The following UBN2 variants were observed in gnomAD, a reference collection of about 807,000 sequenced individuals.
UBN2 encodes the protein ubinuclein 2, also known as ubinuclein-2.
A neutral mutation model predicts 120.2 loss-of-function variants in UBN2; 35 were observed. The ratio of observed to expected loss-of-function variants is 0.29; its 90% CI spans 0.22 to 0.39. The LOEUF (loss-of-function observed/expected upper bound fraction) is 0.39, where lower values mean the gene tolerates loss of function less well. UBN2 is among the 10% of genes least tolerant of loss of function. UBN2 has a pLI of 1.00. For missense variants in UBN2, 1,693 were observed against 1,663.2 expected (o/e 1.02, Z -0.31); for synonymous variants, 661 against 648.7 (o/e 1.02, Z -0.29).
rs180854614 is a variant in UBN2 at position 139,307,494 on chromosome 7, A to G, written c.*9658A>G. ...TTTGTATTTTAGTAAAAAAAAAAAAAAATAAATTTAAATAAAAGGGGGTGG... is the reference window on the plus strand; with the variant it reads ...TTTGTATTTTAGTAAAAAAAAAAAAGAATAAATTTAAATAAAAGGGGGTGG... On this transcript the variant is annotated 3_prime_UTR_variant, in exon 18 of 18. Transcript: ENST00000473989. 6.6e-6 allele frequency: 1 copy of G among 151,722 alleles called. No individual in the cohort carries two copies. The highest frequency in any genetic ancestry group is 6.6e-5 in the Admixed American group (1 of 15,214). The allele number at this position is 151,722 out of a possible 1,614,324, so 9.4% of individuals were successfully genotyped here.
chr7:139,293,285 A>T lies in UBN2; in HGVS notation c.3723A>T (p.Thr1241=), dbSNP rs375787960. Residue 1241 remains threonine, a synonymous_variant, in exon 16 of 18, where the codon ACA becomes ACT. Coordinates refer to ENST00000473989, the MANE Select transcript of UBN2 (RefSeq NM_173569.4). ...ATGCCTCACCTCTGACTCTCATGAC[A>T]TCACCTTTGTCTGTAACAAATCAAA... ...LANASPLTLM[T]SPLSVTNQNV... The T allele has an allele frequency of 1.2e-6, 2 of 1,614,210 alleles. No individual in the cohort carries two copies. The highest frequency in any genetic ancestry group is 2.7e-5 in the African/African-American group (2 of 75,056).
intron 1 of UBN2, among the ~76,000 whole-genome samples, chr7:139,232,922 A>G (rs1312318375): frequency 1.3e-5 from 2 of 152,294 alleles, no homozygotes; most frequent in East Asian, 3.9e-4. Context: ...AGTAAGTTAG[A>G]AAAGGAAATG....
chr7:139,273,650 G>T (rs1425220360), intron 10 of UBN2, among the ~76,000 whole-genome samples: 1 of 152,080 alleles, frequency 6.6e-6, no homozygotes, highest in Admixed American at 6.5e-5. Flanking sequence ...AGTCATACTG[G>T]TTTCAGAAGG....
At chr7:139,285,780 T>C (rs1254736759) in intron 15 of UBN2, among the ~76,000 whole-genome samples, 3 of 152,036 alleles carry the variant, frequency 2.0e-5, no homozygotes, top group African/African-American at 7.2e-5. Flanking sequence ...TCTCGCTCTG[T>C]CGTCCACGCT....
chr7:139,291,171 G>A (rs1379363376), intron 15 of UBN2, among the ~76,000 whole-genome samples: 5 of 151,600 alleles, frequency 3.3e-5, no homozygotes, highest in Admixed American at 2.6e-4. Context: ...GACCATCCTG[G>A]CCAACATGGT....
In UBN2 at chr7:139,243,803, A is replaced by G. The variant is rs540845896; in HGVS notation, c.561+6706A>G. 5.9e-5 allele frequency among the ~76,000 whole-genome samples: 9 copies of G among 152,290 alleles called. No homozygotes were observed. The South Asian group carries it at 1.9e-3, about 32-fold the overall frequency. ...CCTTATAGTTGGCAAAAATCTATTT[A>G]TAAGTGGAGCAATGCCTTTGGAACT... On this transcript the variant is annotated intron_variant, in intron 2 of 17. Transcript: ENST00000473989.
chr7:139,293,835 A>G, intron 16 of UBN2, 54 bp from the exon 17 acceptor site: 1 of 1,547,428 alleles, frequency 6.5e-7, no homozygotes, highest in Non-Finnish European at 8.9e-7. Context: ...TTTTTGAACT[A>G]AAAGGGCTCA....
In UBN2 at chr7:139,302,269, A is replaced by T. The variant is rs1432630651; in HGVS notation, c.*4433A>T. ...TATGTGTAAGATACATACATTACATATATATAAAACTAGGAGCTGCTGTAC... is the reference window on the plus strand; with the variant it reads ...TATGTGTAAGATACATACATTACATTTATATAAAACTAGGAGCTGCTGTAC... On this transcript the variant is annotated 3_prime_UTR_variant, in exon 18 of 18. Coordinates refer to ENST00000473989, the MANE Select transcript of UBN2 (RefSeq NM_173569.4). 1 of 152,230 alleles carries T rather than the reference A, an allele frequency of 6.6e-6. No homozygotes were observed. Among genetic ancestry groups the T allele is most frequent in the Non-Finnish European group, 1.5e-5 (1 of 68,050 alleles). The allele number at this position is 152,230 out of a possible 1,614,324, so 9.4% of individuals were successfully genotyped here.
chr7:139,275,277 C>CAAA (rs758714682), intron 11 of UBN2, among the ~76,000 whole-genome samples: 14 of 44,852 alleles, frequency 3.1e-4, no homozygotes, highest in South Asian at 7.6e-4. Flanking sequence ...AACTCTGTCT[C>CAAA]AAAAAAAAAA....
chr7:139,254,126 T>A (rs988711373), intron 3 of UBN2, among the ~76,000 whole-genome samples: 14 of 152,208 alleles, frequency 9.2e-5, no homozygotes, highest in Admixed American at 9.2e-4. Context: ...ATCCCATCTC[T>A]ACTAAAAATA....
intron 11 of UBN2, among the ~76,000 whole-genome samples, chr7:139,275,427 G>C (rs1227953143): frequency 2.8e-5 from 4 of 143,282 alleles, no homozygotes; most frequent in South Asian, 2.2e-4. Context: ...ACTAAAAATA[G>C]AAAAAATTAG....
the UBN2 span, among the ~76,000 whole-genome samples, chr7:139,330,205 C>T: frequency 6.6e-6 from 1 of 152,168 alleles, no homozygotes; most frequent in East Asian, 1.9e-4. Flanking sequence ...CTTAGATGAC[C>T]TCAATTAATG....
intron 2 of UBN2, among the ~76,000 whole-genome samples, chr7:139,238,198 A>G (rs921997549): frequency 6.6e-6 from 1 of 152,208 alleles, no homozygotes; most frequent in Middle Eastern, 3.4e-3. Flanking sequence ...CCCACAGGAG[A>G]AAGGATATCA....
In UBN2 at chr7:139,283,104, A is replaced by G; in HGVS notation, c.2199A>G (p.Thr733=). The G allele has an allele frequency of 6.2e-7, 1 of 1,613,180 alleles. No homozygotes were observed. Among genetic ancestry groups the G allele is most frequent in the African/African-American group, 1.3e-5 (1 of 74,606 alleles). ...SVSGPPTSSS[T]AAIAAASSSS... ...GCGGTCCTCCAACGAGCTCCAGCACAGCTGCCATTGCTGCAGCTAGCTCTA... is the reference window on the plus strand; with the variant it reads ...GCGGTCCTCCAACGAGCTCCAGCACGGCTGCCATTGCTGCAGCTAGCTCTA... The change falls in exon 15 of 18, where the codon ACA becomes ACG. Residue 733 remains threonine, a synonymous_variant. Transcript: ENST00000473989.
chr7:139,240,889 A>G (rs952814187), intron 2 of UBN2, among the ~76,000 whole-genome samples: 2 of 152,230 alleles, frequency 1.3e-5, no homozygotes, highest in Admixed American at 6.5e-5. Flanking sequence ...GTTGTTGTAC[A>G]TAAATCTTTT....
At chr7:139,297,677 A>T in intron 17 of UBN2, 110 bp from the exon 18 acceptor site, 1 of 934,816 alleles carries the variant, frequency 1.1e-6, no homozygotes, top group Non-Finnish European at 1.7e-6. Context: ...ATATCTTTTC[A>T]GAGATGTCAT....
intron 2 of UBN2, among the ~76,000 whole-genome samples, chr7:139,243,418 G>T (rs893498180): frequency 6.6e-6 from 1 of 152,146 alleles, no homozygotes; most frequent in Non-Finnish European, 1.5e-5. Context: ...TGATTCTGTT[G>T]CAGTAAGGGT....
intron 3 of UBN2, among the ~76,000 whole-genome samples, chr7:139,257,507 C>G (rs1386407228): frequency 6.6e-6 from 1 of 152,162 alleles, no homozygotes; most frequent in Admixed American, 6.5e-5. Flanking sequence ...CTCCCAGGTT[C>G]AAGCGATTCT....
At chr7:139,270,581 AT>A (rs1563216397) in intron 8 of UBN2, among the ~76,000 whole-genome samples, 3 of 151,252 alleles carry the variant, frequency 2.0e-5, no homozygotes, top group African/African-American at 7.3e-5. Context: ...AAACACATTC[AT>A]TTTTTACTGC....
Sources: gnomAD v4.1 joint callset for allele counts (sites outside exome capture counted in the v4.1 genomes callset) on GRCh38, gnomAD v4.1.1 for gene constraint, MANE v1.5 for transcripts, NCBI Gene and HGNC (gene_info 2026-07-23, HGNC 2026-07-21) for gene names.